Variants in HDAC4 observed in about 807,000 individuals in gnomAD.
The protein encoded by HDAC4 is histone deacetylase A.
HDAC4 carries 16 observed loss-of-function variants against 135.1 expected under a neutral mutation model. The observed-to-expected ratio is 0.12, with a 90% CI of 0.08 to 0.18. The LOEUF (loss-of-function observed/expected upper bound fraction) is 0.18. Ranked by LOEUF, HDAC4 falls within the 10% of genes least tolerant of loss-of-function variation. The pLI is 1.00. For synonymous variants in HDAC4, 685 were observed against 653.4 expected (o/e 1.05, Z -0.74); for missense variants, 1,143 against 1,511.8 (o/e 0.76, Z 4.05).
intron 2 of HDAC4, among the ~76,000 whole-genome samples, chr2:239,323,620 C>T (rs2053382233): frequency 6.6e-6 from 1 of 152,142 alleles, no homozygotes. Context: ...TCCAAGAACC[C>T]GCGGCCAACG....
Position 239,278,454 on chromosome 2 carries a change from T to C in HDAC4, c.23-41790A>G, listed in dbSNP as rs548389731. On this transcript the variant is annotated intron_variant, in intron 2 of 26. Transcript: ENST00000543185. ...ATTCTGGGAGGCTGAGGCAGGCAGA[T>C]TGCTTGAGCCCAGGAGTTCGAGACC... is the stretch of plus-strand genomic sequence containing the variant. Among the ~76,000 whole-genome samples, 4 of 152,352 alleles carry C rather than the reference T, an allele frequency of 2.6e-5. No individual in the cohort carries two copies. The South Asian group carries it at 8.3e-4, about 32-fold the overall frequency.
At chr2:239,097,264 G>A (rs1294883622) in intron 16 of HDAC4, among the ~76,000 whole-genome samples, 1 of 152,230 alleles carries the variant, frequency 6.6e-6, no homozygotes, top group Non-Finnish European at 1.5e-5. Context: ...GGCTTCAGTC[G>A]GCCCTGGCTC....
chr2:239,063,537 C>T (rs1349758560), intron 24 of HDAC4, among the ~76,000 whole-genome samples: 2 of 152,162 alleles, frequency 1.3e-5, no homozygotes, highest in Non-Finnish European at 2.9e-5. Flanking sequence ...TGTCAGCTGT[C>T]GGCGGAGGTG....
At chr2:239,267,001 C>T (rs2049773941) in intron 2 of HDAC4, among the ~76,000 whole-genome samples, 1 of 152,178 alleles carries the variant, frequency 6.6e-6, no homozygotes. Context: ...CCTGGGCATC[C>T]TGGGCACAGT....
At chr2:239,187,219 G>A (rs1004669873) in intron 4 of HDAC4, 8 of 152,564 alleles carry the variant, frequency 5.2e-5, no homozygotes, top group Non-Finnish European at 1.5e-5. Context: ...CGAGGCAGGC[G>A]GGACCAATGG....
chr2:239,331,025 A>G lies in HDAC4; in HGVS notation c.22+21653T>C, dbSNP rs1359514563. Reference sequence around the variant, plus strand: ...TGCGTGCGCATTCCCAACCTGCCTGACCTTGGCTGCCCGAAATTCGGAGTG... The same window carrying G: ...TGCGTGCGCATTCCCAACCTGCCTGGCCTTGGCTGCCCGAAATTCGGAGTG... On this transcript the variant is annotated intron_variant, in intron 2 of 26. Transcript: ENST00000543185. This position sits in a 1 kb window ranked among gnomAD's most constrained non-coding sequence, Gnocchi z 4.5. Among the ~76,000 whole-genome samples, 2 of 152,116 alleles carry G rather than the reference A, an allele frequency of 1.3e-5. No individual in the cohort carries two copies. Among genetic ancestry groups the G allele is most frequent in the Non-Finnish European group, 2.9e-5 (2 of 68,038 alleles).
At position 239,086,669 on chromosome 2, in the gene HDAC4, C is replaced by T. The variant is rs138157414; in HGVS notation, c.2444+890G>A. On this transcript the variant is annotated intron_variant, in intron 19 of 26. Transcript: ENST00000543185. Reference sequence around the variant, plus strand: ...GACAGGGAGGCCCTTTCCCGGGCCCCTGCGGTTCTGTCTTGTTCTGACTGC... The same window carrying T: ...GACAGGGAGGCCCTTTCCCGGGCCCTTGCGGTTCTGTCTTGTTCTGACTGC... Among the ~76,000 whole-genome samples, 545 of 152,350 alleles carry T rather than the reference C, an allele frequency of 3.6e-3. 3 individuals carry two copies. Among genetic ancestry groups the T allele is most frequent in the African/African-American group, 0.012 (500 of 41,582 alleles).
In HDAC4 at chr2:239,400,598, C is replaced by T. The variant is rs1278953930; in HGVS notation, c.-220+380G>A. Reference sequence around the variant, plus strand: ...GGGGCGGGTGTGGACCGGCGGCGTCCACCTGCCGCGGGCTCCAAGGCCTGC... The same window carrying T: ...GGGGCGGGTGTGGACCGGCGGCGTCTACCTGCCGCGGGCTCCAAGGCCTGC... On this transcript the variant is annotated intron_variant, in intron 1 of 26. Transcript: ENST00000543185. The surrounding 1 kb of genome is among the most constrained non-coding windows in gnomAD (Gnocchi z 4.7). 1 of 146,236 alleles carries T rather than the reference C, an allele frequency of 6.8e-6. No homozygotes were observed. The highest frequency in any genetic ancestry group is 2.5e-5 in the African/African-American group (1 of 40,770). 9.1% of individuals were successfully genotyped at this position (146,236 alleles called of 1,614,324 possible).
intron 2 of HDAC4, among the ~76,000 whole-genome samples, chr2:239,340,553 T>C (rs1215942674): frequency 6.6e-6 from 1 of 152,194 alleles, no homozygotes; most frequent in Non-Finnish European, 1.5e-5. Context: ...GATGCCTCTG[T>C]ACCCTTCCAG....
At chr2:239,241,447 T>C (rs1559272741) in intron 2 of HDAC4, among the ~76,000 whole-genome samples, 1 of 152,262 alleles carries the variant, frequency 6.6e-6, no homozygotes, top group Non-Finnish European at 1.5e-5. Flanking sequence ...TTTGGATTCA[T>C]GTCTTTTTGA....
At chr2:239,373,869 C>T (rs1227555612) in intron 1 of HDAC4, among the ~76,000 whole-genome samples, 2 of 152,174 alleles carry the variant, frequency 1.3e-5, no homozygotes, top group Non-Finnish European at 2.9e-5. Flanking sequence ...AGGACGGGTC[C>T]TTGATGCCCC....
At chr2:239,227,650 C>T (rs966117780) in intron 3 of HDAC4, among the ~76,000 whole-genome samples, 2 of 152,172 alleles carry the variant, frequency 1.3e-5, no homozygotes, top group Non-Finnish European at 2.9e-5. Context: ...GCGGAAGGAG[C>T]GGGAGGCAGC....
intron 3 of HDAC4, among the ~76,000 whole-genome samples, chr2:239,217,186 G>A (rs544840140): frequency 1.3e-5 from 2 of 152,300 alleles, no homozygotes; most frequent in Non-Finnish European, 2.9e-5. Flanking sequence ...ACACAGCACA[G>A]GCGGTAGCAG....
intron 1 of HDAC4, among the ~76,000 whole-genome samples, chr2:239,366,796 A>C (rs1694251278): frequency 6.7e-6 from 1 of 149,902 alleles, no homozygotes; most frequent in African/African-American, 2.5e-5. Flanking sequence ...AACCCCACGA[A>C]GGAAAACATG....
At chr2:239,116,090 T>C (rs1337032205) in intron 12 of HDAC4, among the ~76,000 whole-genome samples, 2 of 152,122 alleles carry the variant, frequency 1.3e-5, no homozygotes, top group Non-Finnish European at 2.9e-5. Context: ...GGCCTCTCAG[T>C]GCGGAACAGG....
intron 7 of HDAC4, among the ~76,000 whole-genome samples, chr2:239,149,713 C>T (rs529177124): frequency 6.6e-6 from 1 of 152,176 alleles, no homozygotes; most frequent in South Asian, 2.1e-4. Context: ...CTCACGTGCT[C>T]CTGGGGAGGG....
At chr2:239,391,129 C>A (rs1011574435) in intron 1 of HDAC4, among the ~76,000 whole-genome samples, 2 of 152,208 alleles carry the variant, frequency 1.3e-5, no homozygotes, top group African/African-American at 2.4e-5. Flanking sequence ...CATGCCATAG[C>A]AGCTGAGCCA....
At position 239,299,007 on chromosome 2, in the gene HDAC4, T is replaced by C. The variant is rs1018752622; in HGVS notation, c.22+53671A>G. On this transcript the variant is annotated intron_variant, in intron 2 of 26. Transcript: ENST00000543185. This position sits in a 1 kb window ranked among gnomAD's most constrained non-coding sequence, Gnocchi z 4.0. ...CCTCAGCCTCCCGAGTAGCTGGGAC[T>C]ACAGGTGCCCGCCACCACGCCCAGC... Among the ~76,000 whole-genome samples the C allele has an allele frequency of 4.6e-5, 7 of 151,440 alleles. No homozygotes were observed. The highest frequency in any genetic ancestry group is 1.0e-4 in the Non-Finnish European group (7 of 67,922).
chr2:239,362,781 A>T (rs1285489450), intron 1 of HDAC4, among the ~76,000 whole-genome samples: 9 of 152,258 alleles, frequency 5.9e-5, no homozygotes, highest in Non-Finnish European at 2.9e-5. Context: ...CATCATTTCC[A>T]TTCAACACCC....
Sources: allele counts gnomAD v4.1 joint callset (sites outside exome capture counted in the v4.1 genomes callset), GRCh38; gene constraint gnomAD v4.1.1; non-coding constraint Gnocchi (gnomAD v3.1); transcripts MANE v1.5; gene names NCBI Gene and HGNC (gene_info 2026-07-23, HGNC 2026-07-21).